NDUFV2: variants seen among roughly 807,000 people sequenced by gnomAD.
NDUFV2 encodes NADH dehydrogenase [ubiquinone] flavoprotein 2, mitochondrial.
NDUFV2 carries 18 observed loss-of-function variants against 31.6 expected under a neutral mutation model. That is an observed-to-expected ratio of 0.57 (90% CI 0.39 to 0.84). NDUFV2 has a LOEUF of 0.84. Ranked by LOEUF, NDUFV2 falls within the 40% of genes least tolerant of loss-of-function variation. NDUFV2 has a pLI of 0.00. For missense variants in NDUFV2, 314 were observed against 303.6 expected, an observed-to-expected ratio of 1.03 and a Z score of -0.26; for synonymous variants, 83 against 99.8, an observed-to-expected ratio of 0.83 and a Z score of 1.01.
intron 1 of NDUFV2, among the ~76,000 whole-genome samples, chr18:9,111,507 C>T (rs1471805748): frequency 6.6e-6 from 1 of 151,832 alleles, no homozygotes; most frequent in Non-Finnish European, 1.5e-5. Flanking sequence ...GGGCTCACTG[C>T]AACCTCTGCA....
chr18:9,125,117 G>T, intron 6 of NDUFV2, 134 bp downstream of exon 6: 2 of 967,156 alleles, frequency 2.1e-6, no homozygotes, highest in South Asian at 2.0e-5. Flanking sequence ...TAAATATCCA[G>T]GTTTTAAAAA....
chr18:9,103,077 G>T (rs997220355), intron 1 of NDUFV2: 1 of 421,434 alleles, frequency 2.4e-6, no homozygotes, highest in South Asian at 6.9e-5. Flanking sequence ...GTTTGTTTTT[G>T]CTGTTTTGCT....
chr18:9,133,895 G>A (rs1324756306), intron 7 of NDUFV2, among the ~76,000 whole-genome samples: 1 of 152,270 alleles, frequency 6.6e-6, no homozygotes, highest in East Asian at 1.9e-4. Flanking sequence ...TTGTCTTGTG[G>A]CATCGTAAGG....
chr18:9,129,500 G>A (rs1236695299), intron 7 of NDUFV2, among the ~76,000 whole-genome samples: 1 of 152,206 alleles, frequency 6.6e-6, no homozygotes, highest in African/African-American at 2.4e-5. Flanking sequence ...GATGGAGACA[G>A]ATGACTAGTG....
chr18:9,134,155 A>G, intron 7 of NDUFV2, 31 bp from the exon 8 acceptor site: 1 of 1,528,924 alleles, frequency 6.5e-7, no homozygotes, highest in Non-Finnish European at 9.1e-7. Flanking sequence ...AATGTTAATC[A>G]TTAATAGTTT....
chr18:9,106,407 A>C (rs1340070404), intron 1 of NDUFV2, among the ~76,000 whole-genome samples: 2 of 152,084 alleles, frequency 1.3e-5, no homozygotes, highest in African/African-American at 4.8e-5. Flanking sequence ...TTTTGTCCAG[A>C]GTTTATAGTT....
At chr18:9,122,762 C>T in intron 5 of NDUFV2, 81 bp downstream of exon 5, 1 of 1,399,910 alleles carries the variant, frequency 7.1e-7, no homozygotes, top group Non-Finnish European at 1.0e-6. Context: ...TCTAAAATTT[C>T]CAACTTCTGC....
At chr18:9,115,872 A>G (rs1035819037) in intron 1 of NDUFV2, 2 of 152,134 alleles carry the variant, frequency 1.3e-5, no homozygotes, top group African/African-American at 2.4e-5. Flanking sequence ...AAAAAAAAAA[A>G]GACACTTATT....
At chr18:9,129,051 C>T (rs969433933) in intron 7 of NDUFV2, among the ~76,000 whole-genome samples, 4 of 152,206 alleles carry the variant, frequency 2.6e-5, no homozygotes, top group Admixed American at 1.3e-4. Flanking sequence ...GATTCTCCTG[C>T]CTCAGTCTCC....
chr18:9,128,526 CCT>C (rs1491134197), intron 7 of NDUFV2, among the ~76,000 whole-genome samples: 4 of 152,046 alleles, frequency 2.6e-5, no homozygotes. Flanking sequence ...TGGGTATACC[CCT>C]TTTTTTAGGA....
chr18:9,123,028 A>G (rs1050815056), intron 5 of NDUFV2, among the ~76,000 whole-genome samples: 1 of 152,188 alleles, frequency 6.6e-6, no homozygotes, highest in African/African-American at 2.4e-5. Flanking sequence ...GTGACCCATT[A>G]TTGTCTTTAT....
chr18:9,126,649 T>G (rs1205214993), intron 6 of NDUFV2, 182 bp from the exon 7 acceptor site: 1 of 569,916 alleles, frequency 1.8e-6, no homozygotes, highest in African/African-American at 1.9e-5. Context: ...AGAAAGTAAT[T>G]TTGTGCCATG....
chr18:9,129,833 C>A (rs1179584117), intron 7 of NDUFV2, among the ~76,000 whole-genome samples: 2 of 152,132 alleles, frequency 1.3e-5, no homozygotes, highest in East Asian at 3.8e-4. Context: ...ATAATAAAAA[C>A]TGTTGGAATG....
chr18:9,119,528 C>T lies in NDUFV2; in HGVS notation c.238C>T (p.Leu80Phe). 2 of 1,613,906 alleles carry T rather than the reference C, an allele frequency of 1.2e-6. No homozygotes were observed. Among genetic ancestry groups the T allele is most frequent in the Non-Finnish European group, 1.7e-6 (2 of 1,179,882 alleles). The change falls in exon 4 of 8, where the codon CTT becomes TTT. Residue 80 changes from leucine (L) to phenylalanine (F), a missense_variant. Transcript: ENST00000318388. ...AGAAGGCCATAAAGCAGCAGCTGTT[C>T]TTCCAGTCCTGGATTTAGCCCAAAG... ...YPEGHKAAAV[L>F]PVLDLAQRQN... is the part of the protein sequence containing the mutation.
intron 1 of NDUFV2, among the ~76,000 whole-genome samples, chr18:9,104,494 T>TGGTA (rs2144726593): frequency 6.6e-6 from 1 of 152,242 alleles, no homozygotes; most frequent in East Asian, 1.9e-4. Flanking sequence ...GGATCAGACA[T>TGGTA]GGTAGAAAGA....
intron 1 of NDUFV2, chr18:9,104,122 T>C (rs1275293732): frequency 6.2e-7 from 1 of 1,611,012 alleles, no homozygotes; most frequent in Non-Finnish European, 8.5e-7. Context: ...TACTAACAGA[T>C]TGGGCATGGG....
At chr18:9,125,020 A>T in intron 6 of NDUFV2, 37 bp downstream of exon 6, 1 of 1,591,994 alleles carries the variant, frequency 6.3e-7, no homozygotes, top group East Asian at 2.3e-5. Flanking sequence ...AAGTTGTATG[A>T]TGTCATATTT....
At chr18:9,122,365 A>G in intron 4 of NDUFV2, 148 bp from the exon 5 acceptor site, 2 of 698,058 alleles carry the variant, frequency 2.9e-6, no homozygotes, top group Non-Finnish European at 4.8e-6. Context: ...TCTCCCAGTT[A>G]TCCAAGACAA....
At chr18:9,127,851 G>A (rs150771460) in intron 7 of NDUFV2, among the ~76,000 whole-genome samples, 90 of 152,256 alleles carry the variant, frequency 5.9e-4, no homozygotes, top group African/African-American at 1.7e-3. Context: ...CATTATGCTT[G>A]TAATAATTGT....
Sources: allele counts gnomAD v4.1 joint callset (sites outside exome capture counted in the v4.1 genomes callset), GRCh38; gene constraint gnomAD v4.1.1; transcripts MANE v1.5; gene names NCBI Gene and HGNC (gene_info 2026-07-23, HGNC 2026-07-21).